The following BTRC variants were observed in gnomAD, a reference collection of about 807,000 sequenced individuals.
BTRC encodes the protein F-box/WD repeat-containing protein 1A.
In BTRC, 42 loss-of-function variants were observed where a neutral mutation model predicts 85.5. The observed-to-expected ratio is 0.49, with a 90% CI of 0.38 to 0.64. BTRC has a LOEUF of 0.64. Among genes scored for constraint, BTRC ranks in the 30% least tolerant of loss-of-function variants. The pLI, the probability that BTRC is intolerant of heterozygous loss-of-function variation, is 0.00. For synonymous variants in BTRC, 255 were observed against 263.3 expected, an observed-to-expected ratio of 0.97 and a Z score of 0.30; for missense variants, 594 against 743.5, an observed-to-expected ratio of 0.80 and a Z score of 2.34.
chr10:101,475,922 C>CATATATATATATAT (rs71016324), intron 3 of BTRC, among the ~76,000 whole-genome samples: 1,208 of 67,400 alleles, frequency 0.018, 106 homozygotes, highest in Middle Eastern at 0.034. Context: ...AGTATTTTGC[C>CATATATATATATAT]ATATATATAT....
chr10:101,405,291 A>G (rs989530814), intron 1 of BTRC, among the ~76,000 whole-genome samples: 3 of 151,014 alleles, frequency 2.0e-5, no homozygotes, highest in South Asian at 2.1e-4. Context: ...TCACCCTTTT[A>G]GGATCACAAC....
chr10:101,490,145 G>A (rs1443257068), intron 4 of BTRC, among the ~76,000 whole-genome samples: 1 of 151,448 alleles, frequency 6.6e-6, no homozygotes, highest in African/African-American at 2.4e-5. Context: ...GATCGAAAAA[G>A]TCCATTTTCT....
intron 1 of BTRC, among the ~76,000 whole-genome samples, chr10:101,394,190 A>G (rs976007879): frequency 2.0e-5 from 3 of 152,188 alleles, no homozygotes; most frequent in African/African-American, 4.8e-5. Flanking sequence ...GGACTCTGGT[A>G]ATTAATTTTT....
intron 1 of BTRC, among the ~76,000 whole-genome samples, chr10:101,373,468 G>A (rs1942697728): frequency 6.6e-6 from 1 of 152,130 alleles, no homozygotes; most frequent in African/African-American, 2.4e-5. Flanking sequence ...AAGAAAAAGA[G>A]TAAAATATAG....
At chr10:101,402,542 G>T (rs1264896934) in intron 1 of BTRC, among the ~76,000 whole-genome samples, 2 of 152,110 alleles carry the variant, frequency 1.3e-5, no homozygotes, top group African/African-American at 4.8e-5. Context: ...CATCCCTTTA[G>T]TCCAAGTTTC....
chr10:101,531,575 G>A lies in BTRC; in HGVS notation c.840+242G>A, dbSNP rs921883500. On this transcript the variant is annotated intron_variant, in intron 7 of 14. Coordinates refer to ENST00000370187, the MANE Select transcript of BTRC (RefSeq NM_033637.4). ...GTCTCTACTAAAAATACAAAAATTA[G>A]CCAGGCATGGTGGCACACACCTGTA... Among the ~76,000 whole-genome samples the A allele has an allele frequency of 2.0e-5, 3 of 151,994 alleles. No individual in the cohort carries two copies. In the East Asian group the frequency reaches 5.8e-4, roughly 29 times the overall value.
At chr10:101,430,707 C>G (rs766496412) in intron 2 of BTRC, among the ~76,000 whole-genome samples, 1 of 152,112 alleles carries the variant, frequency 6.6e-6, no homozygotes, top group Non-Finnish European at 1.5e-5. Context: ...GCTTTCAGAT[C>G]AAGTAGAAGT....
intron 14 of BTRC, among the ~76,000 whole-genome samples, chr10:101,551,802 C>T (rs2062654567): frequency 6.6e-6 from 1 of 152,192 alleles, no homozygotes; most frequent in South Asian, 2.1e-4. Context: ...TCAGCCAGGT[C>T]GCACAGGCTG....
At chr10:101,456,415 T>C (rs546438043) in intron 2 of BTRC, among the ~76,000 whole-genome samples, 1 of 152,068 alleles carries the variant, frequency 6.6e-6, no homozygotes, top group East Asian at 1.9e-4. Flanking sequence ...AAAAAAGGAA[T>C]GAGTAAAAAC....
intron 1 of BTRC, among the ~76,000 whole-genome samples, chr10:101,357,190 C>T (rs1177196003): frequency 2.1e-5 from 3 of 144,856 alleles, no homozygotes; most frequent in Non-Finnish European, 4.5e-5. Context: ...TGCCTGTAAT[C>T]CCAGCACTTT....
chr10:101,419,109 C>G (rs899666837), intron 1 of BTRC, among the ~76,000 whole-genome samples: 7 of 151,710 alleles, frequency 4.6e-5, no homozygotes, highest in African/African-American at 1.7e-4. Flanking sequence ...CTCCCAGGTT[C>G]TGGCAATTCT....
intron 1 of BTRC, among the ~76,000 whole-genome samples, chr10:101,418,885 T>C (rs1326864336): frequency 6.6e-6 from 1 of 152,144 alleles, no homozygotes; most frequent in Non-Finnish European, 1.5e-5. Context: ...AAAAATTACA[T>C]TTAAGGTGTA....
intron 3 of BTRC, among the ~76,000 whole-genome samples, chr10:101,472,267 T>TTCCTCTCTTCTCTTCTCTTCTCTTC (rs1945545384): frequency 1.3e-5 from 1 of 76,998 alleles, no homozygotes; most frequent in Non-Finnish European, 3.7e-5. Flanking sequence ...TTCTTTTCTT[T>TTCCTCTCTTCTCTTCTCTTCTCTTC]TCTTTTCCTC....
rs139550918 is a variant in BTRC, at chr10:101,515,371, A to G, written c.325-6268A>G. ...GAGACTTTGATATTGCACTAACTCT[A>G]TAGGTTGATTTGGAAAGAATAAACA... On this transcript the variant is annotated intron_variant, in intron 4 of 14. Coordinates refer to ENST00000370187, the MANE Select transcript of BTRC (RefSeq NM_033637.4). 1.7e-4 allele frequency among the ~76,000 whole-genome samples: 26 copies of G among 152,236 alleles called. No homozygotes were observed. In the East Asian group the frequency reaches 5.0e-3, roughly 29 times the overall value.
At chr10:101,547,328 CTTTTTTTTTT>C (rs71016332) in intron 13 of BTRC, among the ~76,000 whole-genome samples, 3 of 79,636 alleles carry the variant, frequency 3.8e-5, no homozygotes, top group East Asian at 4.1e-4. Context: ...TATGGTTTTT[CTTTTTTTTTT>C]TTTTTTTTTT....
In BTRC at chr10:101,556,891, A is replaced by C. The variant is rs2134508624; in HGVS notation, c.*3768A>C. ...TGATTGGTTGTGTGTTTTATTAAGG[A>C]TCAGTGCAGTTAAGTCGTATTTTAA... On this transcript the variant is annotated 3_prime_UTR_variant, in exon 15 of 15. Transcript: ENST00000370187. 1 of 152,300 alleles carries C rather than the reference A, an allele frequency of 6.6e-6. No individual in the cohort carries two copies. The highest frequency in any genetic ancestry group is 6.5e-5 in the Admixed American group (1 of 15,300). 9.4% of individuals were successfully genotyped at this position (152,300 alleles called of 1,614,324 possible). A position where few individuals can be genotyped will look rare whatever the true frequency, so the allele number is the denominator to read the frequency against.
intron 3 of BTRC, among the ~76,000 whole-genome samples, chr10:101,472,651 C>G (rs561671535): frequency 1.2e-4 from 18 of 152,230 alleles, no homozygotes; most frequent in African/African-American, 3.9e-4. Context: ...CCTGTCTCTA[C>G]TAAAAATACA....
In BTRC at chr10:101,538,342, G is replaced by T. The variant is rs4151060; in HGVS notation, c.1627G>T (p.Ala543Ser). The change falls in exon 13 of 15, where the codon GCA becomes TCA. Residue 543 changes from alanine (A) to serine (S), a missense_variant. Around this residue, in one of 4 missense-constraint regions of BTRC, gnomAD observed 373 missense variants for 503.6 expected, o/e 0.74. Transcript: ENST00000370187. The stretch of plus-strand genomic sequence containing the variant: ...GGCTGCTTTGGACCCCCGTGCTCCT[G>T]CAGGGACACTCTGTCTACGGACCCT... ...LVAALDPRAP[A>S]GTLCLRTLVE... 0.045 allele frequency: 72,355 copies of T among 1,613,758 alleles called. 2,023 individuals are homozygous for T. The highest frequency in any genetic ancestry group is 0.055 in the Non-Finnish European group (65,044 of 1,179,676).
chr10:101,545,780 A>G (rs751049973), intron 13 of BTRC, among the ~76,000 whole-genome samples: 2 of 152,174 alleles, frequency 1.3e-5, no homozygotes, highest in Non-Finnish European at 2.9e-5. Flanking sequence ...CCTAGCCCTG[A>G]TGGACCATTC....
Sources: allele counts gnomAD v4.1 joint callset (sites outside exome capture counted in the v4.1 genomes callset), GRCh38; gene constraint gnomAD v4.1.1; regional missense constraint gnomAD v4.1.1; transcripts MANE v1.5; gene names NCBI Gene and HGNC (gene_info 2026-07-23, HGNC 2026-07-21).